The following LSAMP variants were observed in gnomAD, a reference collection of about 807,000 sequenced individuals.
LSAMP encodes the protein limbic system associated membrane protein, also known as limbic system-associated membrane protein.
A neutral mutation model predicts 38.6 loss-of-function variants in LSAMP; 7 were observed. That is an observed-to-expected ratio of 0.18 (90% CI 0.10 to 0.34). The LOEUF (loss-of-function observed/expected upper bound fraction) is 0.34, where lower values mean the gene tolerates loss of function less well. LSAMP is among the 10% of genes least tolerant of loss of function. The pLI, the probability that LSAMP is intolerant of heterozygous loss-of-function variation, is 1.00. For missense variants in LSAMP, 313 were observed against 420.0 expected, an observed-to-expected ratio of 0.75 and a Z score of 2.23; for synonymous variants, 154 against 166.8, an observed-to-expected ratio of 0.92 and a Z score of 0.59.
intron 1 of LSAMP, among the ~76,000 whole-genome samples, chr3:116,354,385 G>T (rs948910660): frequency 3.9e-5 from 6 of 152,092 alleles, no homozygotes; most frequent in African/African-American, 1.4e-4. Flanking sequence ...CTTAGTTCAG[G>T]CCTTGTCATT....
chr3:116,078,578 G>A (rs935433671), intron 2 of LSAMP, among the ~76,000 whole-genome samples: 10 of 152,164 alleles, frequency 6.6e-5, no homozygotes, highest in South Asian at 2.1e-4. Flanking sequence ...CACCCGCCTC[G>A]GCCTCCCAGA....
At chr3:116,417,261 G>C (rs964680844) in intron 1 of LSAMP, among the ~76,000 whole-genome samples, 2 of 152,086 alleles carry the variant, frequency 1.3e-5, no homozygotes, top group African/African-American at 4.8e-5. Flanking sequence ...GAGGTAGCTG[G>C]GTTTTCAGTT....
chr3:116,119,632 G>A (rs1708830410), intron 1 of LSAMP, among the ~76,000 whole-genome samples: 1 of 151,518 alleles, frequency 6.6e-6, no homozygotes, highest in African/African-American at 2.4e-5. Context: ...AAGTTACTAA[G>A]GCTAAAGAGA....
In LSAMP at chr3:116,409,217, G is replaced by A. The variant is rs576344863; in HGVS notation, c.155+35660C>T. Among the ~76,000 whole-genome samples the A allele has an allele frequency of 1.1e-4, 16 of 152,156 alleles. No homozygotes were observed. In the South Asian group the frequency reaches 3.1e-3, roughly 30 times the overall value. ...GCATTTTCCCTCTGCATCCATCAGG[G>A]ATGATGTAAGTCTGGTGTGGGCAAA... On this transcript the variant is annotated intron_variant, in intron 1 of 6. Coordinates refer to ENST00000490035, the MANE Select transcript of LSAMP (RefSeq NM_002338.5).
intron 1 of LSAMP, among the ~76,000 whole-genome samples, chr3:116,169,104 C>T (rs2107550211): frequency 6.6e-6 from 1 of 152,238 alleles, no homozygotes; most frequent in South Asian, 2.1e-4. Flanking sequence ...ACTTGGGAAG[C>T]TGAGGTGGGA....
intron 1 of LSAMP, among the ~76,000 whole-genome samples, chr3:116,219,702 AT>A (rs1363963890): frequency 6.6e-6 from 1 of 152,236 alleles, no homozygotes; most frequent in East Asian, 1.9e-4. Flanking sequence ...GGAAGAAAAT[AT>A]TTGTAAACCA....
At chr3:116,095,105 T>G (rs1316820645) in intron 1 of LSAMP, among the ~76,000 whole-genome samples, 2 of 152,198 alleles carry the variant, frequency 1.3e-5, no homozygotes, top group African/African-American at 2.4e-5. Context: ...TGAAACCCAC[T>G]AAACATGTAT....
chr3:115,862,419 C>A (rs1935732599), intron 3 of LSAMP, among the ~76,000 whole-genome samples: 1 of 152,222 alleles, frequency 6.6e-6, no homozygotes, highest in African/African-American at 2.4e-5. Context: ...ATAACCCCGT[C>A]TAGCCCTTCA....
chr3:116,267,475 T>G (rs2046907297), intron 1 of LSAMP, among the ~76,000 whole-genome samples: 1 of 152,074 alleles, frequency 6.6e-6, no homozygotes, highest in Non-Finnish European at 1.5e-5. Context: ...CCCTTTTCCC[T>G]GGAGTCTTAG....
intron 2 of LSAMP, among the ~76,000 whole-genome samples, chr3:116,027,522 A>G (rs1351469770): frequency 6.6e-6 from 1 of 152,152 alleles, no homozygotes; most frequent in Non-Finnish European, 1.5e-5. Flanking sequence ...AAATCAAAGA[A>G]TCCTAATTTT....
chr3:116,181,235 T>C (rs1710478678), intron 1 of LSAMP, among the ~76,000 whole-genome samples: 1 of 151,986 alleles, frequency 6.6e-6, no homozygotes, highest in African/African-American at 2.4e-5. Flanking sequence ...TATAACTTAG[T>C]TGTAAAAATC....
intron 1 of LSAMP, among the ~76,000 whole-genome samples, chr3:116,205,131 T>C (rs2046048994): frequency 6.8e-6 from 1 of 147,910 alleles, no homozygotes; most frequent in Admixed American, 6.8e-5. Flanking sequence ...CCTTGTAAGT[T>C]GGATTCCTAG....
At chr3:116,312,791 G>A (rs1364884158) in intron 1 of LSAMP, among the ~76,000 whole-genome samples, 1 of 152,096 alleles carries the variant, frequency 6.6e-6, no homozygotes, top group East Asian at 1.9e-4. Context: ...AGAGAATAAT[G>A]TTTTCATTCA....
chr3:115,909,098 C>CGGA (rs1490568137), intron 3 of LSAMP, among the ~76,000 whole-genome samples: 1 of 152,152 alleles, frequency 6.6e-6, no homozygotes, highest in Non-Finnish European at 1.5e-5. Context: ...TCCTAATGCC[C>CGGA]GTCCGGTTCA....
chr3:115,998,728 T>C (rs181565182), intron 3 of LSAMP, among the ~76,000 whole-genome samples: 8 of 152,202 alleles, frequency 5.3e-5, no homozygotes, highest in African/African-American at 1.9e-4. Context: ...AAAACATAGA[T>C]GCTTTGAGAC....
intron 3 of LSAMP, among the ~76,000 whole-genome samples, chr3:115,872,150 A>G (rs1487102366): frequency 6.6e-6 from 1 of 152,186 alleles, no homozygotes; most frequent in East Asian, 1.9e-4. Flanking sequence ...TATTAAAGAT[A>G]AAGATAAAAG....
intron 3 of LSAMP, among the ~76,000 whole-genome samples, chr3:115,909,861 C>G (rs1937096477): frequency 6.6e-6 from 1 of 152,016 alleles, no homozygotes; most frequent in South Asian, 2.1e-4. Context: ...TTGCTCTAAT[C>G]TAGCTCCTTT....
In LSAMP at chr3:116,445,134, C is replaced by T. The variant is rs2049493969; in HGVS notation, c.-103G>A. The T allele has an allele frequency of 8.1e-7, 1 of 1,236,668 alleles. No homozygotes were observed. The highest frequency in any genetic ancestry group is 1.5e-5 in the African/African-American group (1 of 66,588). The allele number at this position is 1,236,668 out of a possible 1,614,324, so 76.6% of individuals were successfully genotyped here. Reference sequence around the variant, plus strand: ...ACGGGGCTTTCATCCACAGCGAGCGCAGAGCGGGCTTTGCCAGTTTATGGT... The same window carrying T: ...ACGGGGCTTTCATCCACAGCGAGCGTAGAGCGGGCTTTGCCAGTTTATGGT... On this transcript the variant is annotated 5_prime_UTR_variant, in exon 1 of 7. Coordinates refer to ENST00000490035, the MANE Select transcript of LSAMP (RefSeq NM_002338.5).
chr3:116,041,541 T>C (rs1404574107), intron 2 of LSAMP, among the ~76,000 whole-genome samples: 1 of 151,534 alleles, frequency 6.6e-6, no homozygotes, highest in Non-Finnish European at 1.5e-5. Flanking sequence ...CCTCTTCTGC[T>C]TGTTCCTGTA....
Sources: gnomAD v4.1 joint callset for allele counts (sites outside exome capture counted in the v4.1 genomes callset) on GRCh38, gnomAD v4.1.1 for gene constraint, MANE v1.5 for transcripts, NCBI Gene and HGNC (gene_info 2026-07-23, HGNC 2026-07-21) for gene names.